The following PIK3R6 variants were observed in gnomAD, a reference collection of about 807,000 sequenced individuals.
PIK3R6 encodes phosphoinositide-3-kinase regulatory subunit 6, also known as phosphoinositide 3-kinase regulatory subunit 6.
In PIK3R6, 91 loss-of-function variants were observed where a neutral mutation model predicts 84.9. That is an observed-to-expected ratio of 1.07 (90% CI 0.90 to 1.28). The LOEUF is 1.28. PIK3R6 is among the 50% of genes most tolerant of loss of function. The pLI is 0.00. For missense variants in PIK3R6, 996 were observed against 985.1 expected (o/e 1.01, Z -0.15); for synonymous variants, 416 against 411.4 (o/e 1.01, Z -0.13).
In PIK3R6 at chr17:8,858,147, G is replaced by C. The variant is rs914884582; in HGVS notation, c.-91-8262C>G. Among the ~76,000 whole-genome samples the C allele has an allele frequency of 2.0e-5, 3 of 152,294 alleles. No individual in the cohort carries two copies. In the South Asian group the frequency reaches 6.2e-4, roughly 32 times the overall value. On this transcript the variant is annotated intron_variant, in intron 1 of 19. Coordinates refer to ENST00000619866, the MANE Select transcript of PIK3R6 (RefSeq NM_001010855.4). ...CAGTGTGGGGGAAGAGCCCCCAGGGGATGAGCTTGCACGTAGACAGGAAAT... is the reference window on the plus strand; with the variant it reads ...CAGTGTGGGGGAAGAGCCCCCAGGGCATGAGCTTGCACGTAGACAGGAAAT...
intron 18 of PIK3R6, among the ~76,000 whole-genome samples, chr17:8,809,119 T>C (rs2151176031): frequency 6.6e-6 from 1 of 152,220 alleles, no homozygotes; most frequent in East Asian, 1.9e-4. Flanking sequence ...ACCCAAAACC[T>C]TGCAAGCCAG....
rs942469045 is a variant in PIK3R6, at chr17:8,832,904, C to A, written c.787G>T (p.Ala263Ser). The change falls in exon 9 of 20, where the codon GCG (alanine) becomes TCG (serine). Residue 263 changes from alanine to serine, a missense_variant. Coordinates refer to ENST00000619866, the MANE Select transcript of PIK3R6 (RefSeq NM_001010855.4). ...AGTCGCTTACCACCGCAGCGCCCCGCCGCGGGACCCAGCAGCGAGCAGTAA... is the reference window on the plus strand; with the variant it reads ...AGTCGCTTACCACCGCAGCGCCCCGACGCGGGACCCAGCAGCGAGCAGTAA... ...EIYCSLLGPA[A>S]GRCGGDLVQE... is the part of the protein sequence containing the mutation. 1.8e-5 allele frequency: 29 copies of A among 1,612,708 alleles called. No individual in the cohort carries two copies. Among genetic ancestry groups the A allele is most frequent in the Non-Finnish European group, 2.5e-5 (29 of 1,179,746 alleles).
In PIK3R6 at chr17:8,819,210, G is replaced by A. The variant is rs2151200690; in HGVS notation, c.1880-12C>T. On this transcript the variant is annotated splice_polypyrimidine_tract_variant and intron_variant, in intron 17 of 19. Coordinates refer to ENST00000619866, the MANE Select transcript of PIK3R6 (RefSeq NM_001010855.4). The stretch of plus-strand genomic sequence containing the variant: ...GCTAGACCCTGAAACTGAATGAGAT[G>A]GGTGGGGCTGTAAATGGACCTCCAG... The A allele has an allele frequency of 6.3e-7, 1 of 1,575,116 alleles. No individual in the cohort carries two copies. The highest frequency in any genetic ancestry group is 8.7e-7 in the Non-Finnish European group (1 of 1,152,882).
chr17:8,820,790 G>A (rs1426854608), intron 17 of PIK3R6, among the ~76,000 whole-genome samples: 4 of 152,176 alleles, frequency 2.6e-5, no homozygotes, highest in Admixed American at 1.3e-4. Flanking sequence ...TCAGAAAGGC[G>A]CCTTAATTGG....
intron 7 of PIK3R6, 105 bp from the exon 8 acceptor site, chr17:8,835,561 A>C (rs1004261561): frequency 2.0e-6 from 2 of 989,904 alleles, no homozygotes; most frequent in Non-Finnish European, 2.8e-6. Context: ...AAGTAATTTA[A>C]TTCTGCTAAA....
At chr17:8,845,180 T>C (rs2151288844) in intron 2 of PIK3R6, among the ~76,000 whole-genome samples, 1 of 152,334 alleles carries the variant, frequency 6.6e-6, no homozygotes, top group East Asian at 1.9e-4. Context: ...TTTGGGGGGA[T>C]ATATACCCAG....
At position 8,862,536 on chromosome 17, in the gene PIK3R6, C is replaced by T. The variant is rs2089307601; in HGVS notation, c.-92+4993G>A. Among the ~76,000 whole-genome samples the T allele has an allele frequency of 6.6e-6, 1 of 152,146 alleles. No individual in the cohort carries two copies. Among genetic ancestry groups the T allele is most frequent in the South Asian group, 2.1e-4 (1 of 4,818 alleles). On this transcript the variant is annotated intron_variant, in intron 1 of 19. Coordinates refer to ENST00000619866, the MANE Select transcript of PIK3R6 (RefSeq NM_001010855.4). The surrounding 1 kb of genome is among the most constrained non-coding windows in gnomAD (Gnocchi z 4.3). ...ATGGTGAGAAGGACATTGTGCCTCA[C>T]TGACCTGGCAGCTACCTCTGTCACC... is the stretch of plus-strand genomic sequence containing the variant.
intron 16 of PIK3R6, 113 bp from the exon 17 acceptor site, chr17:8,822,049 AGTC>A: frequency 3.8e-6 from 2 of 527,554 alleles, no homozygotes; most frequent in Non-Finnish European, 6.2e-6. Flanking sequence ...CTGCTGTGAG[AGTC>A]TTTTTTTTTT....
chr17:8,829,489 TAC>T (rs3859233), intron 10 of PIK3R6, among the ~76,000 whole-genome samples: 13,112 of 102,824 alleles, frequency 0.13, 717 homozygotes, highest in Non-Finnish European at 0.14. Context: ...CATGCACGCA[TAC>T]ACACACACTG....
intron 12 of PIK3R6, 27 bp from the exon 13 acceptor site, chr17:8,827,321 C>G: frequency 6.5e-7 from 1 of 1,545,916 alleles, no homozygotes; most frequent in South Asian, 1.2e-5. Context: ...GGGGCAGACC[C>G]GTCAGGCCCT....
intron 17 of PIK3R6, 117 bp downstream of exon 17, chr17:8,821,729 C>T (rs112197519): frequency 1.8e-6 from 2 of 1,141,464 alleles, no homozygotes; most frequent in Non-Finnish European, 1.3e-6. Flanking sequence ...AGTCCTGGTC[C>T]TGGCTCCAGT....
chr17:8,835,713 T>C (rs1230279928), intron 7 of PIK3R6, among the ~76,000 whole-genome samples: 2 of 152,106 alleles, frequency 1.3e-5, no homozygotes, highest in Non-Finnish European at 2.9e-5. Flanking sequence ...CCTAGTCCCA[T>C]GTTTAGGAAA....
rs190566639 is a variant in PIK3R6 at position 8,867,624 on chromosome 17, G to T, written c.-187C>A. The T allele has an allele frequency of 7.9e-6, 4 of 503,506 alleles. No homozygotes were observed. The highest frequency in any genetic ancestry group is 1.9e-5 in the African/African-American group (1 of 51,848). 31.2% of individuals were successfully genotyped at this position (503,506 alleles called of 1,614,324 possible). On this transcript the variant is annotated 5_prime_UTR_variant, in exon 1 of 20. Transcript: ENST00000619866. The stretch of plus-strand genomic sequence containing the variant: ...CCAGTCCCAGAGAAGCAGATGTCTT[G>T]GGGGAGCCTCCACGGGTGTCTGTGG...
chr17:8,820,255 G>T (rs2087691850), intron 17 of PIK3R6, among the ~76,000 whole-genome samples: 1 of 151,964 alleles, frequency 6.6e-6, no homozygotes, highest in African/African-American at 2.4e-5. Flanking sequence ...TCTACCGAGG[G>T]TGCTGGCATC....
rs756141265 is a variant in PIK3R6 at position 8,827,276 on chromosome 17, G to A, written c.1411C>T (p.Gln471Ter). 4 of 1,560,224 alleles carry A rather than the reference G, an allele frequency of 2.6e-6. No homozygotes were observed. Among genetic ancestry groups the A allele is most frequent in the Non-Finnish European group, 3.5e-6 (4 of 1,152,342 alleles). Residue 471 changes from glutamine (Q) to a stop codon, truncating the protein, a stop_gained, in exon 13 of 20, where the codon CAG (glutamine) becomes TAG (stop). Coordinates refer to ENST00000619866, the MANE Select transcript of PIK3R6 (RefSeq NM_001010855.4). LOFTEE classifies it high-confidence loss of function. ...GTAGCCAGCTCTCCCAGCTCCGGCT[G>A]CCTGGATGCTGCAGGCTTCTGGGGG... ...LAPEKPAASR[Q>*]PELGELATFL...
intron 4 of PIK3R6, 180 bp downstream of exon 4, chr17:8,838,384 T>C: frequency 1.8e-6 from 1 of 561,992 alleles, no homozygotes. Flanking sequence ...AGTAAAACAA[T>C]GAGAGTCGAC....
At chr17:8,866,485 T>C (rs1597451442) in intron 1 of PIK3R6, among the ~76,000 whole-genome samples, 1 of 152,064 alleles carries the variant, frequency 6.6e-6, no homozygotes, top group East Asian at 1.9e-4. Context: ...GAGGTTGCAG[T>C]GAGCCGAGAT....
At chr17:8,829,023 G>C (rs781728694) in intron 10 of PIK3R6, 33 bp from the exon 11 acceptor site, 2 of 1,486,874 alleles carry the variant, frequency 1.3e-6, no homozygotes, top group Admixed American at 5.1e-5. Context: ...GTGAGGACAC[G>C]TGAGGCTGGC....
intron 2 of PIK3R6, among the ~76,000 whole-genome samples, chr17:8,848,408 G>GT (rs1421552015): frequency 6.6e-5 from 10 of 152,124 alleles, no homozygotes; most frequent in African/African-American, 1.7e-4. Context: ...CGAGAAATAT[G>GT]TCACGGGGCA....
Sources: gnomAD v4.1 joint callset for allele counts (sites outside exome capture counted in the v4.1 genomes callset) on GRCh38, gnomAD v4.1.1 for gene constraint, Gnocchi (gnomAD v3.1) non-coding constraint, MANE v1.5 for transcripts, NCBI Gene and HGNC (gene_info 2026-07-23, HGNC 2026-07-21) for gene names.